The following IPP variants were observed in gnomAD, a reference collection of about 807,000 sequenced individuals.
IPP encodes intracisternal A particle-promoted polypeptide, also known as actin-binding protein IPP.
In IPP, 41 loss-of-function variants were observed where a neutral mutation model predicts 64.1. The ratio of observed to expected loss-of-function variants is 0.64; its 90% CI spans 0.50 to 0.83. The LOEUF is 0.83. IPP is among the 40% of genes least tolerant of loss of function. IPP has a pLI of 0.00. For missense variants in IPP, 649 were observed against 703.0 expected (o/e 0.92, Z 0.87); for synonymous variants, 214 against 235.2 (o/e 0.91, Z 0.83).
At position 45,746,275 on chromosome 1, in the gene IPP, T is replaced by C. The variant is rs1195161278; in HGVS notation, c.137A>G (p.Glu46Gly). The C allele has an allele frequency of 6.2e-7, 1 of 1,614,228 alleles. No homozygotes were observed. Residue 46 changes from glutamate to glycine, a missense_variant, in exon 2 of 9, where the codon GAA (glutamate) becomes GGA (glycine). Physicochemically the swap from Glu to Gly is moderately conservative, Grantham distance 98 (BLOSUM62 -2). Coordinates refer to ENST00000396478, the MANE Select transcript of IPP (RefSeq NM_005897.3). ...AACCAGCCGATGAGCTTTAAAACTT[T>C]CCTGTCCAACTTGCAGCTGCACATC... Reference protein sequence around the residue: ...FCDVQLQVGQESFKAHRLVLA... With the variant: ...FCDVQLQVGQGSFKAHRLVLA...
chr1:45,737,042 CAAA>C (rs367755391), intron 3 of IPP, among the ~76,000 whole-genome samples: 2 of 112,764 alleles, frequency 1.8e-5, no homozygotes, highest in Admixed American at 1.0e-4. Flanking sequence ...GACTCCATCT[CAAA>C]AAAAAAAAAA....
At chr1:45,738,696 C>T (rs1392006670) in intron 3 of IPP, among the ~76,000 whole-genome samples, 4 of 151,450 alleles carry the variant, frequency 2.6e-5, no homozygotes, top group South Asian at 2.1e-4. Context: ...AAAAATTAGC[C>T]GGGCATGGTG....
chr1:45,702,112 A>G (rs1175638919), intron 8 of IPP, among the ~76,000 whole-genome samples: 1 of 152,218 alleles, frequency 6.6e-6, no homozygotes, highest in Admixed American at 6.5e-5. Context: ...GTTTGTAATT[A>G]GGGAGAACCT....
At chr1:45,727,599 T>G in intron 5 of IPP, 32 bp downstream of exon 5, 2 of 1,401,898 alleles carry the variant, frequency 1.4e-6, no homozygotes, top group South Asian at 1.6e-5. Context: ...CCAACAAGAC[T>G]AATTAAGAAA....
At chr1:45,706,085 G>A (rs1645509335) in intron 8 of IPP, among the ~76,000 whole-genome samples, 2 of 152,248 alleles carry the variant, frequency 1.3e-5, no homozygotes, top group Middle Eastern at 3.4e-3. Context: ...GAGATTCCGT[G>A]GGTACAGGCA....
At chr1:45,730,182 C>T (rs1181857970) in intron 3 of IPP, among the ~76,000 whole-genome samples, 1 of 151,850 alleles carries the variant, frequency 6.6e-6, no homozygotes, top group Non-Finnish European at 1.5e-5. Context: ...TGAAACCTTG[C>T]TGCTACAAAA....
At chr1:45,716,556 T>C (rs1202306744) in intron 7 of IPP, among the ~76,000 whole-genome samples, 1 of 152,226 alleles carries the variant, frequency 6.6e-6, no homozygotes, top group Non-Finnish European at 1.5e-5. Flanking sequence ...CTGTTTCTGA[T>C]ACTCTCTCCC....
intron 5 of IPP, among the ~76,000 whole-genome samples, chr1:45,726,724 CT>C (rs58547972): frequency 1.0e-3 from 142 of 135,320 alleles, no homozygotes; most frequent in African/African-American, 1.6e-3. Context: ...TTTGATGCCA[CT>C]TTTTTTTTTT....
intron 8 of IPP, among the ~76,000 whole-genome samples, chr1:45,709,162 G>A (rs369649361): frequency 2.4e-4 from 36 of 150,644 alleles, no homozygotes; most frequent in South Asian, 4.2e-4. Flanking sequence ...GGCTGGGTGC[G>A]GTGGCTCACA....
intron 8 of IPP, among the ~76,000 whole-genome samples, chr1:45,706,061 A>G (rs1252628767): frequency 6.6e-6 from 1 of 152,144 alleles, no homozygotes; most frequent in Non-Finnish European, 1.5e-5. Context: ...CTACTAATCT[A>G]TGCATGCTAA....
rs1223260433 is a variant in IPP, at chr1:45,712,160, A to G, written c.1530+2086T>C. Among the ~76,000 whole-genome samples the G allele has an allele frequency of 2.6e-5, 4 of 152,120 alleles. No homozygotes were observed. The East Asian group carries it at 7.7e-4, about 29-fold the overall frequency. ...GTGAAACCCTGGCTCTACTAAAAAA[A>G]TACAAAAATCAACCAGGCATGGTGG... On this transcript the variant is annotated intron_variant, in intron 8 of 8. Transcript: ENST00000396478.
intron 8 of IPP, among the ~76,000 whole-genome samples, chr1:45,700,997 G>A (rs1645443157): frequency 6.6e-6 from 1 of 152,204 alleles, no homozygotes; most frequent in Non-Finnish European, 1.5e-5. Context: ...ATCCAGTGGA[G>A]TTAGTAATCT....
intron 8 of IPP, among the ~76,000 whole-genome samples, chr1:45,708,404 C>A (rs1376041351): frequency 1.3e-5 from 2 of 149,004 alleles, no homozygotes; most frequent in African/African-American, 4.9e-5. Context: ...TAGGGCCAGG[C>A]GCGGTGGCTC....
In IPP at chr1:45,748,742, C is replaced by T. The variant is rs6693280; in HGVS notation, c.-51+1855G>A. Among the ~76,000 whole-genome samples the T allele has an allele frequency of 9.2e-4, 140 of 152,174 alleles. 1 individual carries two copies. Among genetic ancestry groups the T allele is most frequent in the African/African-American group, 3.3e-3 (138 of 41,516 alleles). ...ATCCCAGCACTTTGGAAGGCTGAGG[C>T]GGGTGGATCACCAGAGGTCAGGCGT... On this transcript the variant is annotated intron_variant, in intron 1 of 8. Transcript: ENST00000396478.
intron 3 of IPP, among the ~76,000 whole-genome samples, chr1:45,733,181 C>T (rs1458741732): frequency 1.3e-5 from 2 of 151,758 alleles, no homozygotes; most frequent in Non-Finnish European, 2.9e-5. Context: ...AATCCCAGCA[C>T]TTTGGGAGGC....
At chr1:45,718,378 T>G (rs1645688075) in intron 6 of IPP, among the ~76,000 whole-genome samples, 1 of 152,214 alleles carries the variant, frequency 6.6e-6, no homozygotes, top group Admixed American at 6.5e-5. Context: ...ATACAGTAGC[T>G]CCAGAGATAC....
downstream of IPP, chr1:45,694,871 AG>A (rs2148541511): frequency 5.6e-6 from 1 of 178,572 alleles, no homozygotes; most frequent in Non-Finnish European, 1.2e-5. Flanking sequence ...TATTCTAATG[AG>A]CAGGCCTATC....
At chr1:45,728,965 A>G (rs1287399185) in intron 4 of IPP, among the ~76,000 whole-genome samples, 2 of 137,278 alleles carry the variant, frequency 1.5e-5, no homozygotes, top group African/African-American at 5.2e-5. Context: ...GTCTCTACTT[A>G]AAATATATAT....
intron 4 of IPP, among the ~76,000 whole-genome samples, chr1:45,729,089 T>C (rs1645871508): frequency 6.7e-6 from 1 of 148,248 alleles, no homozygotes; most frequent in South Asian, 2.1e-4. Flanking sequence ...GAGATTGCAG[T>C]GATCCGAGAT....
Sources: gnomAD v4.1 joint callset for allele counts (sites outside exome capture counted in the v4.1 genomes callset) on GRCh38, gnomAD v4.1.1 for gene constraint, MANE v1.5 for transcripts, NCBI Gene and HGNC (gene_info 2026-07-23, HGNC 2026-07-21) for gene names.